The following FGF14 variants were observed in gnomAD, a reference collection of about 807,000 sequenced individuals.
FGF14 encodes the protein fibroblast growth factor homologous factor 4.
FGF14 carries 5 observed loss-of-function variants against 25.5 expected under a neutral mutation model. That is an observed-to-expected ratio of 0.20 (90% CI 0.10 to 0.41). FGF14 has a LOEUF of 0.41. Among genes scored for constraint, FGF14 ranks in the 10% least tolerant of loss-of-function variants. The pLI is 1.00. For synonymous variants in FGF14, 138 were observed against 118.3 expected (o/e 1.17, Z -1.08); for missense variants, 222 against 320.1 (o/e 0.69, Z 2.34).
At chr13:101,896,782 A>G (rs968839384) in intron 1 of FGF14, among the ~76,000 whole-genome samples, 2 of 152,294 alleles carry the variant, frequency 1.3e-5, no homozygotes, top group South Asian at 2.1e-4. Flanking sequence ...ACAGTAATCA[A>G]TAAAACCAAT....
chr13:102,299,594 C>T (rs112034867), intron 1 of FGF14, among the ~76,000 whole-genome samples: 1,641 of 152,150 alleles, frequency 0.011, 38 homozygotes, highest in African/African-American at 0.038. Context: ...GCACCTTTCC[C>T]GATTTAGGCA....
chr13:102,046,031 A>G (rs1183770001), intron 1 of FGF14: 2 of 154,322 alleles, frequency 1.3e-5, no homozygotes, highest in Non-Finnish European at 2.9e-5. Context: ...AATCCTTGGC[A>G]TGTTCTTAAG....
intron 1 of FGF14, among the ~76,000 whole-genome samples, chr13:102,084,677 G>C (rs910742352): frequency 6.6e-6 from 1 of 152,088 alleles, no homozygotes; most frequent in Non-Finnish European, 1.5e-5. Flanking sequence ...AATCACAGAA[G>C]GAAAAGAATA....
At chr13:101,855,679 A>G (rs1276060065) in intron 3 of FGF14, among the ~76,000 whole-genome samples, 1 of 151,954 alleles carries the variant, frequency 6.6e-6, no homozygotes, top group East Asian at 1.9e-4. Flanking sequence ...CATGGTTTGA[A>G]AAGTCTGAGG....
Position 102,129,774 on chromosome 13 carries a change from C to A in FGF14, c.209-254478G>T, listed in dbSNP as rs556034020. Reference sequence around the variant, plus strand: ...ATGGGTGCAGCACACCAACATGGCACATGTATACATATGTAACAAACCTGC... The same window carrying A: ...ATGGGTGCAGCACACCAACATGGCAAATGTATACATATGTAACAAACCTGC... On this transcript the variant is annotated intron_variant, in intron 1 of 4. Transcript: ENST00000376131. 2.0e-5 allele frequency among the ~76,000 whole-genome samples: 3 copies of A among 152,092 alleles called. No individual in the cohort carries two copies. In the South Asian group the frequency reaches 6.2e-4, roughly 32 times the overall value.
chr13:101,746,646 G>T (rs566538733), intron 3 of FGF14, among the ~76,000 whole-genome samples: 1 of 152,052 alleles, frequency 6.6e-6, no homozygotes, highest in African/African-American at 2.4e-5. Context: ...AAAGTGCCTG[G>T]TAGAGTTTGT....
chr13:102,354,129 C>T (rs1260924755), intron 1 of FGF14: 3 of 152,162 alleles, frequency 2.0e-5, no homozygotes, highest in African/African-American at 4.8e-5. Flanking sequence ...AATTTGCCCA[C>T]TAGGAAATTC....
chr13:101,798,170 C>G (rs1367877750), intron 3 of FGF14, among the ~76,000 whole-genome samples: 1 of 152,000 alleles, frequency 6.6e-6, no homozygotes, highest in Non-Finnish European at 1.5e-5. Context: ...GTTTTTCTAT[C>G]AAAAGAAAAC....
intron 3 of FGF14, among the ~76,000 whole-genome samples, chr13:101,808,509 A>G (rs1454693922): frequency 3.9e-5 from 6 of 152,150 alleles, no homozygotes; most frequent in African/African-American, 1.4e-4. Context: ...TGATTTTTAA[A>G]TAAATTATAA....
chr13:102,186,850 A>T (rs1357667064), intron 1 of FGF14, among the ~76,000 whole-genome samples: 1 of 152,216 alleles, frequency 6.6e-6, no homozygotes, highest in Admixed American at 6.5e-5. Context: ...TAGTGCACAT[A>T]TGCAAGCAAT....
chr13:102,244,894 C>T (rs1484637311), intron 1 of FGF14, among the ~76,000 whole-genome samples: 1 of 151,738 alleles, frequency 6.6e-6, no homozygotes, highest in African/African-American at 2.4e-5. Flanking sequence ...TGTTTAAACC[C>T]GGAAATGATA....
intron 1 of FGF14, among the ~76,000 whole-genome samples, chr13:102,217,458 A>G (rs902180172): frequency 3.9e-5 from 6 of 152,366 alleles, no homozygotes; most frequent in Non-Finnish European, 8.8e-5. Flanking sequence ...ACTGTGCAGA[A>G]AATACCTCAA....
intron 1 of FGF14, among the ~76,000 whole-genome samples, chr13:102,255,095 CTCA>C (rs2052372493): frequency 6.6e-6 from 1 of 152,152 alleles, no homozygotes; most frequent in Non-Finnish European, 1.5e-5. Flanking sequence ...TCATTTAGAC[CTCA>C]TCAACCAGAA....
At chr13:102,050,856 C>T (rs1394247037) in intron 1 of FGF14, among the ~76,000 whole-genome samples, 2 of 152,136 alleles carry the variant, frequency 1.3e-5, no homozygotes, top group African/African-American at 4.8e-5. Context: ...ACTGCTAGGA[C>T]CAAAGAAGAA....
chr13:102,165,805 TATA>T (rs142783245), intron 1 of FGF14, among the ~76,000 whole-genome samples: 37 of 148,178 alleles, frequency 2.5e-4, no homozygotes, highest in African/African-American at 4.0e-4. Flanking sequence ...AAACTTAAAG[TATA>T]ATAATAATAA....
At chr13:102,099,842 G>A (rs935598409) in intron 1 of FGF14, among the ~76,000 whole-genome samples, 1 of 146,902 alleles carries the variant, frequency 6.8e-6, no homozygotes, top group Non-Finnish European at 1.5e-5. Flanking sequence ...ATATAGTTAG[G>A]TTTAGTAGGG....
At chr13:101,970,338 T>G (rs7339161) in intron 1 of FGF14, among the ~76,000 whole-genome samples, 56,015 of 152,134 alleles carry the variant, frequency 0.37, 10,742 homozygotes, top group East Asian at 0.71. Flanking sequence ...TTTATTATTT[T>G]CATATGGTTC....
chr13:102,023,972 G>C (rs1249705631), intron 1 of FGF14, among the ~76,000 whole-genome samples: 6 of 151,860 alleles, frequency 4.0e-5, no homozygotes, highest in African/African-American at 1.5e-4. Context: ...TCTTTTTATT[G>C]ACAAGTAATA....
chr13:102,374,486 A>G (rs2057975792), intron 1 of FGF14, among the ~76,000 whole-genome samples: 1 of 151,518 alleles, frequency 6.6e-6, no homozygotes, highest in Non-Finnish European at 1.5e-5. Flanking sequence ...TTAAGTGATT[A>G]TGTTCAGCTG....
Sources: allele counts gnomAD v4.1 joint callset (sites outside exome capture counted in the v4.1 genomes callset), GRCh38; gene constraint gnomAD v4.1.1; transcripts MANE v1.5; gene names NCBI Gene and HGNC (gene_info 2026-07-23, HGNC 2026-07-21).